PTPRT: variants seen among roughly 807,000 people sequenced by gnomAD.
PTPRT encodes the protein receptor-type tyrosine-protein phosphatase T.
In PTPRT, 56 loss-of-function variants were observed where a neutral mutation model predicts 176.8. The observed-to-expected ratio is 0.32, with a 90% CI of 0.26 to 0.40. The LOEUF is 0.40. PTPRT is among the 10% of genes least tolerant of loss of function. The pLI is 1.00. For missense variants in PTPRT, 1,540 were observed against 1,908.2 expected (o/e 0.81, Z 3.60); for synonymous variants, 783 against 739.0 (o/e 1.06, Z -0.96).
chr20:42,281,050 TG>T (rs2057130983), intron 13 of PTPRT, among the ~76,000 whole-genome samples: 1 of 152,092 alleles, frequency 6.6e-6, no homozygotes, highest in South Asian at 2.1e-4. Flanking sequence ...GCTTTCTCTG[TG>T]AGTTTCCTTC....
chr20:42,820,448 T>C (rs1365558925), intron 2 of PTPRT, among the ~76,000 whole-genome samples: 1 of 152,142 alleles, frequency 6.6e-6, no homozygotes, highest in South Asian at 2.1e-4. Context: ...TAGCACTAAA[T>C]GCCCACATCA....
chr20:42,613,851 T>C (rs2074017126), intron 7 of PTPRT, among the ~76,000 whole-genome samples: 3 of 152,136 alleles, frequency 2.0e-5, no homozygotes, highest in South Asian at 2.1e-4. Context: ...AATAATACTT[T>C]TAGAATGTGC....
intron 1 of PTPRT, among the ~76,000 whole-genome samples, chr20:42,891,336 G>A (rs2079189445): frequency 6.6e-6 from 1 of 152,182 alleles, no homozygotes; most frequent in Non-Finnish European, 1.5e-5. Flanking sequence ...GCAGCCACTG[G>A]CCAAGGACCC....
intron 2 of PTPRT, among the ~76,000 whole-genome samples, chr20:42,864,171 C>A (rs1309945805): frequency 6.6e-6 from 1 of 152,220 alleles, no homozygotes; most frequent in African/African-American, 2.4e-5. Context: ...CAAGGTCTGG[C>A]CACTCCAGGG....
rs1252487388 is a variant in PTPRT, at chr20:42,656,666, A to C, written c.1153+21200T>G. On this transcript the variant is annotated intron_variant, in intron 7 of 30. Coordinates refer to ENST00000373187, the MANE Select transcript of PTPRT (RefSeq NM_007050.6). ...AAGGACGGTTCCAGGAATTTATTCC[A>C]GGAAAAAATATTACATATGTGCACA... is the stretch of plus-strand genomic sequence containing the variant. Among the ~76,000 whole-genome samples, 5 of 152,206 alleles carry C rather than the reference A, an allele frequency of 3.3e-5. 1 individual carries two copies. The South Asian group carries it at 1.0e-3, about 32-fold the overall frequency.
intron 8 of PTPRT, among the ~76,000 whole-genome samples, chr20:42,456,644 A>G (rs1370845876): frequency 6.6e-6 from 1 of 152,106 alleles, no homozygotes; most frequent in Non-Finnish European, 1.5e-5. Context: ...ATGTTACTGT[A>G]GCAAATTACA....
At chr20:42,102,434 C>T in intron 25 of PTPRT, 137 bp from the exon 26 acceptor site, 1 of 942,072 alleles carries the variant, frequency 1.1e-6, no homozygotes, top group Non-Finnish European at 1.6e-6. Context: ...TTTCCCGGGA[C>T]CCATTTCTCT....
chr20:42,917,125 A>G (rs1978820964), intron 1 of PTPRT, among the ~76,000 whole-genome samples: 1 of 152,238 alleles, frequency 6.6e-6, no homozygotes, highest in East Asian at 1.9e-4. Context: ...ATCCATCTTG[A>G]ATTAATTTTT....
At position 42,184,583 on chromosome 20, in the gene PTPRT, T is replaced by TTCTTCTTCTTCTTCTTCTTCTTCTTCC. The variant is rs1471645810; in HGVS notation, c.2491+14656_2491+14657insGGAAGAAGAAGAAGAAGAAGAAGAAGA. Among the ~76,000 whole-genome samples the TTCTTCTTCTTCTTCTTCTTCTTCTTCC allele has an allele frequency of 6.3e-5, 9 of 141,738 alleles. No homozygotes were observed. In the East Asian group the frequency reaches 1.3e-3, roughly 21 times the overall value. 93.0% of individuals were successfully genotyped at this position (141,738 alleles called of 152,430 possible). ...CTTATTCTTCTTCTTCTTCTTCTTC[T>TTCTTCTTCTTCTTCTTCTTCTTCTTCC]TCTTCTTCTTCCTCTTCTTCTTCTT... On this transcript the variant is annotated intron_variant, in intron 16 of 30. Transcript: ENST00000373187.
chr20:42,586,776 C>T (rs1020567513), intron 7 of PTPRT, among the ~76,000 whole-genome samples: 12 of 152,192 alleles, frequency 7.9e-5, no homozygotes, highest in African/African-American at 2.9e-4. Flanking sequence ...TTCATTTCTA[C>T]AGCTGAATAA....
At chr20:42,299,011 C>G (rs2057423509) in intron 12 of PTPRT, among the ~76,000 whole-genome samples, 1 of 151,700 alleles carries the variant, frequency 6.6e-6, no homozygotes, top group Admixed American at 6.6e-5. Context: ...AAGTGATACC[C>G]AAGTATCTAT....
chr20:42,115,344 G>T, intron 21 of PTPRT, 29 bp from the exon 22 acceptor site: 1 of 1,530,488 alleles, frequency 6.5e-7, no homozygotes, highest in Non-Finnish European at 9.1e-7. Context: ...CAGAGACAGA[G>T]ACAGAACAGA....
intron 14 of PTPRT, among the ~76,000 whole-genome samples, chr20:42,242,890 T>G (rs1270310674): frequency 6.6e-6 from 1 of 152,068 alleles, no homozygotes; most frequent in Non-Finnish European, 1.5e-5. Context: ...ACGAGCTTTA[T>G]TTTTTAACAC....
At chr20:43,051,048 A>G (rs1016015607) in intron 1 of PTPRT, among the ~76,000 whole-genome samples, 1 of 152,246 alleles carries the variant, frequency 6.6e-6, no homozygotes, top group African/African-American at 2.4e-5. Context: ...TATATAGAAC[A>G]TTCTAGAGAA....
intron 1 of PTPRT, among the ~76,000 whole-genome samples, chr20:43,116,956 G>C (rs897822702): frequency 4.6e-5 from 7 of 152,138 alleles, no homozygotes; most frequent in Non-Finnish European, 1.0e-4. Flanking sequence ...ATGTTGTCTG[G>C]GGTCAAGCTG....
intron 1 of PTPRT, among the ~76,000 whole-genome samples, chr20:43,159,688 C>A (rs551998766): frequency 1.8e-4 from 28 of 152,242 alleles, no homozygotes; most frequent in African/African-American, 6.7e-4. Flanking sequence ...GGCTGCAGAG[C>A]ACTCCTTCCA....
intron 7 of PTPRT, among the ~76,000 whole-genome samples, chr20:42,527,174 A>G (rs1407632178): frequency 6.6e-6 from 1 of 151,866 alleles, no homozygotes; most frequent in East Asian, 1.9e-4. Flanking sequence ...CGTGTTAGCC[A>G]GGATGGTCTC....
At position 42,088,365 on chromosome 20, in the gene PTPRT, C is replaced by T. The variant is rs898633028; in HGVS notation, c.3847-2512G>A. Among the ~76,000 whole-genome samples the T allele has an allele frequency of 5.9e-5, 9 of 152,282 alleles. No homozygotes were observed. In the South Asian group the frequency reaches 6.2e-4, roughly 11 times the overall value. Reference sequence around the variant, plus strand: ...CCCCCTACAGATGCAGGGTTTTCATCGAAGGGGGTGCTTGCTCTCCACTTC... The same window carrying T: ...CCCCCTACAGATGCAGGGTTTTCATTGAAGGGGGTGCTTGCTCTCCACTTC... On this transcript the variant is annotated intron_variant, in intron 27 of 30. Coordinates refer to ENST00000373187, the MANE Select transcript of PTPRT (RefSeq NM_007050.6).
chr20:43,104,047 G>A (rs1283349869), intron 1 of PTPRT, among the ~76,000 whole-genome samples: 1 of 152,146 alleles, frequency 6.6e-6, no homozygotes, highest in East Asian at 1.9e-4. Context: ...AATTCCAGAA[G>A]TTATCTTAAT....
Sources: allele counts gnomAD v4.1 joint callset (sites outside exome capture counted in the v4.1 genomes callset), GRCh38; gene constraint gnomAD v4.1.1; transcripts MANE v1.5; gene names NCBI Gene and HGNC (gene_info 2026-07-23, HGNC 2026-07-21).